CCSER1: variants seen among roughly 807,000 people sequenced by gnomAD.
CCSER1 encodes the protein serine-rich coiled-coil domain-containing protein 1.
In CCSER1, 41 loss-of-function variants were observed where a neutral mutation model predicts 82.0. The ratio of observed to expected loss-of-function variants is 0.50; its 90% CI spans 0.39 to 0.65. The LOEUF is 0.65. Among genes scored for constraint, CCSER1 ranks in the 30% least tolerant of loss-of-function variants. CCSER1 has a pLI of 0.00. For synonymous variants in CCSER1, 414 were observed against 383.9 expected, an observed-to-expected ratio of 1.08 and a Z score of -0.92; for missense variants, 1,119 against 1,064.2, an observed-to-expected ratio of 1.05 and a Z score of -0.72.
chr4:91,115,810 T>C (rs1251547098), intron 10 of CCSER1, among the ~76,000 whole-genome samples: 10 of 96,820 alleles, frequency 1.0e-4, no homozygotes, highest in Admixed American at 2.0e-4. Flanking sequence ...CTTTTTCTTT[T>C]TTTTTTTTTT....
intron 10 of CCSER1, among the ~76,000 whole-genome samples, chr4:91,478,175 T>G (rs2110034681): frequency 6.6e-6 from 1 of 152,054 alleles, no homozygotes; most frequent in East Asian, 1.9e-4. Context: ...TCTAAAGTAT[T>G]AATAACTTGC....
At chr4:91,062,064 G>A (rs981433192) in intron 9 of CCSER1, among the ~76,000 whole-genome samples, 2 of 151,500 alleles carry the variant, frequency 1.3e-5, no homozygotes, top group Admixed American at 1.3e-4. Flanking sequence ...TGTCAGTGTA[G>A]CATACATAAA....
intron 9 of CCSER1, among the ~76,000 whole-genome samples, chr4:91,034,989 G>T (rs1023007972): frequency 6.6e-6 from 1 of 152,072 alleles, no homozygotes; most frequent in Non-Finnish European, 1.5e-5. Context: ...ACATGTATGT[G>T]CATGCATTTA....
At chr4:91,266,588 C>T (rs1581871450) in intron 10 of CCSER1, among the ~76,000 whole-genome samples, 1 of 152,090 alleles carries the variant, frequency 6.6e-6, no homozygotes, top group South Asian at 2.1e-4. Context: ...TCCTGTGTGA[C>T]TATGCAAGAA....
intron 1 of CCSER1, among the ~76,000 whole-genome samples, chr4:90,252,407 T>A (rs1025090868): frequency 4.6e-5 from 7 of 151,910 alleles, no homozygotes; most frequent in Non-Finnish European, 2.9e-5. Context: ...TCTCTTTTGA[T>A]TTATTTTTCT....
Position 90,666,159 on chromosome 4 carries a change from G to A in CCSER1, c.1932+37927G>A, listed in dbSNP as rs144189242. Among the ~76,000 whole-genome samples, 723 of 151,800 alleles carry A rather than the reference G, an allele frequency of 4.8e-3. 7 individuals are homozygous for A. The highest frequency in any genetic ancestry group is 0.017 in the African/African-American group (684 of 41,388). On this transcript the variant is annotated intron_variant, in intron 6 of 10. Coordinates refer to ENST00000509176, the MANE Select transcript of CCSER1 (RefSeq NM_001145065.2). ...TCACTTCTGACTCTCCTTTTCATACGTTAGATGCAAAAAAAACTTTGCTCT... is the reference window on the plus strand; with the variant it reads ...TCACTTCTGACTCTCCTTTTCATACATTAGATGCAAAAAAAACTTTGCTCT...
Position 91,042,795 on chromosome 4 carries a change from G to A in CCSER1, c.2173-43155G>A, listed in dbSNP as rs1017969662. Among the ~76,000 whole-genome samples the A allele has an allele frequency of 7.2e-5, 11 of 152,232 alleles. No homozygotes were observed. In the South Asian group the frequency reaches 1.0e-3, roughly 14 times the overall value. On this transcript the variant is annotated intron_variant, in intron 9 of 10. Coordinates refer to ENST00000509176, the MANE Select transcript of CCSER1 (RefSeq NM_001145065.2). The stretch of plus-strand genomic sequence containing the variant: ...ACACATTACAGGGGGGAAAAAGTAC[G>A]TGAAAAGTGGTAGGGGGAAATTAAC...
At chr4:90,551,510 A>G (rs972372218) in intron 5 of CCSER1, among the ~76,000 whole-genome samples, 1 of 151,362 alleles carries the variant, frequency 6.6e-6, no homozygotes, top group African/African-American at 2.4e-5. Context: ...AGCATTTTTC[A>G]TGTCTCAATT....
intron 7 of CCSER1, among the ~76,000 whole-genome samples, chr4:90,764,961 A>G (rs149972826): frequency 0.013 from 2,032 of 152,160 alleles, 52 homozygotes; most frequent in African/African-American, 0.046. Context: ...TCTTTATTCT[A>G]TGAGGTCTCT....
intron 1 of CCSER1, among the ~76,000 whole-genome samples, chr4:90,171,790 T>G (rs1051132792): frequency 3.9e-5 from 6 of 151,978 alleles, no homozygotes; most frequent in African/African-American, 1.4e-4. Context: ...AGCACCCACT[T>G]AAAAAGAAAT....
At chr4:90,642,710 A>G (rs193145832) in intron 6 of CCSER1, among the ~76,000 whole-genome samples, 1 of 152,072 alleles carries the variant, frequency 6.6e-6, no homozygotes, top group Admixed American at 6.5e-5. Context: ...AGAGGCACAC[A>G]CTTGTAGTCT....
chr4:91,384,282 T>A (rs138036322), intron 10 of CCSER1, among the ~76,000 whole-genome samples: 1 of 152,082 alleles, frequency 6.6e-6, no homozygotes, highest in Non-Finnish European at 1.5e-5. Context: ...TTGACAAAAA[T>A]GTATTGCAGA....
Position 91,334,525 on chromosome 4 carries a change from A to C in CCSER1, c.2217+248531A>C, listed in dbSNP as rs1276324735. ...CTACCATTGTAATAAGGTAGAGAAA[A>C]GAAAACACACACTCACACACACACA... On this transcript the variant is annotated intron_variant, in intron 10 of 10. Transcript: ENST00000509176. 4.6e-5 allele frequency among the ~76,000 whole-genome samples: 7 copies of C among 152,102 alleles called. No homozygotes were observed. In the East Asian group the frequency reaches 1.4e-3, roughly 29 times the overall value.
intron 5 of CCSER1, among the ~76,000 whole-genome samples, chr4:90,516,295 A>G (rs1328903909): frequency 6.6e-6 from 1 of 152,186 alleles, no homozygotes; most frequent in East Asian, 1.9e-4. Context: ...TTGAATCCAA[A>G]CAGGAAACAG....
At chr4:90,278,331 A>G (rs1728222689) in intron 1 of CCSER1, among the ~76,000 whole-genome samples, 1 of 152,152 alleles carries the variant, frequency 6.6e-6, no homozygotes. Context: ...TACTGGGTAT[A>G]TACTTAGAGA....
At chr4:90,418,062 A>G (rs1196928675) in intron 4 of CCSER1, among the ~76,000 whole-genome samples, 1 of 152,150 alleles carries the variant, frequency 6.6e-6, no homozygotes, top group East Asian at 1.9e-4. Context: ...GGAATTAGAC[A>G]AATCTCAACC....
chr4:90,987,011 G>A (rs971897433), intron 9 of CCSER1, among the ~76,000 whole-genome samples: 2 of 151,526 alleles, frequency 1.3e-5, no homozygotes, highest in African/African-American at 4.8e-5. Context: ...GAAGTCTAGG[G>A]AGGGATTGAT....
intron 5 of CCSER1, among the ~76,000 whole-genome samples, chr4:90,618,699 A>G (rs910366283): frequency 1.3e-5 from 2 of 151,954 alleles, no homozygotes; most frequent in Non-Finnish European, 2.9e-5. Flanking sequence ...AAGGTAGGTA[A>G]CAAGTGGCAT....
intron 10 of CCSER1, among the ~76,000 whole-genome samples, chr4:91,345,836 T>TCCTTTCC (rs1439220778): frequency 2.0e-5 from 3 of 152,134 alleles, no homozygotes; most frequent in Admixed American, 2.0e-4. Flanking sequence ...CTCCTATTCA[T>TCCTTTCC]CCTTTCCCCT....
Sources: gnomAD v4.1 joint callset for allele counts (sites outside exome capture counted in the v4.1 genomes callset) on GRCh38, gnomAD v4.1.1 for gene constraint, MANE v1.5 for transcripts, NCBI Gene and HGNC (gene_info 2026-07-23, HGNC 2026-07-21) for gene names.